ZMAT4: variants seen among roughly 807,000 people sequenced by gnomAD.
The protein encoded by ZMAT4 is zinc finger matrin-type protein 4.
Under a neutral mutation model 28.7 loss-of-function variants are expected in ZMAT4, and 17 were observed. The observed-to-expected ratio is 0.59, with a 90% CI of 0.41 to 0.89. The LOEUF (loss-of-function observed/expected upper bound fraction) is 0.89. Among genes scored for constraint, ZMAT4 ranks in the 40% least tolerant of loss-of-function variants. The pLI, the probability that ZMAT4 is intolerant of heterozygous loss-of-function variation, is 0.00. For synonymous variants in ZMAT4, 117 were observed against 109.2 expected, an observed-to-expected ratio of 1.07 and a Z score of -0.44; for missense variants, 240 against 283.8, an observed-to-expected ratio of 0.85 and a Z score of 1.11.
intron 1 of ZMAT4, among the ~76,000 whole-genome samples, chr8:40,846,391 G>A (rs1171030026): frequency 6.6e-6 from 1 of 152,222 alleles, no homozygotes; most frequent in Non-Finnish European, 1.5e-5. Context: ...GCTCAGGGCT[G>A]GGACAGCAGA....
intron 5 of ZMAT4, among the ~76,000 whole-genome samples, chr8:40,616,923 A>G (rs1165429470): frequency 1.3e-5 from 2 of 152,108 alleles, no homozygotes; most frequent in Admixed American, 6.6e-5. Context: ...GAACTACAGT[A>G]ATTTTACAAA....
intron 2 of ZMAT4, among the ~76,000 whole-genome samples, chr8:40,791,414 T>C (rs1814318219): frequency 6.6e-6 from 1 of 152,172 alleles, no homozygotes; most frequent in South Asian, 2.1e-4. Flanking sequence ...GAAACTACAC[T>C]GAGAGAGTAA....
intron 1 of ZMAT4, among the ~76,000 whole-genome samples, chr8:40,884,295 G>A (rs891532134): frequency 3.4e-5 from 5 of 145,790 alleles, no homozygotes; most frequent in Admixed American, 1.4e-4. Flanking sequence ...TCTCACCTCC[G>A]CCCCCACCCA....
At chr8:40,835,181 A>G (rs1302688892) in intron 1 of ZMAT4, among the ~76,000 whole-genome samples, 1 of 152,176 alleles carries the variant, frequency 6.6e-6, no homozygotes, top group Non-Finnish European at 1.5e-5. Context: ...TGCCACTTCA[A>G]GTCAGACCAA....
intron 6 of ZMAT4, among the ~76,000 whole-genome samples, chr8:40,536,989 C>T (rs1383158375): frequency 6.6e-6 from 1 of 152,006 alleles, no homozygotes; most frequent in Non-Finnish European, 1.5e-5. Flanking sequence ...GCTTTGTTCT[C>T]TGCATGTTGA....
chr8:40,534,948 G>A (rs910582697), intron 6 of ZMAT4, among the ~76,000 whole-genome samples: 14 of 152,038 alleles, frequency 9.2e-5, no homozygotes, highest in Non-Finnish European at 1.3e-4. Context: ...CTCCCAAAGC[G>A]CTGGGATTAC....
chr8:40,657,109 C>T (rs1046383800), intron 5 of ZMAT4, among the ~76,000 whole-genome samples: 2 of 152,178 alleles, frequency 1.3e-5, no homozygotes, highest in Non-Finnish European at 2.9e-5. Flanking sequence ...CGGCTCACTG[C>T]AACTTCTACC....
At chr8:40,580,625 T>C (rs1483709939) in intron 6 of ZMAT4, among the ~76,000 whole-genome samples, 1 of 152,204 alleles carries the variant, frequency 6.6e-6, no homozygotes, top group African/African-American at 2.4e-5. Context: ...CTGGTGAGAC[T>C]TTCTCAGTTT....
At chr8:40,598,184 T>TAC (rs1805166112) in intron 5 of ZMAT4, among the ~76,000 whole-genome samples, 1 of 152,186 alleles carries the variant, frequency 6.6e-6, no homozygotes, top group Non-Finnish European at 1.5e-5. Context: ...ACAATGTGTA[T>TAC]ATATATATTT....
chr8:40,644,199 T>G (rs1188158166), intron 5 of ZMAT4, among the ~76,000 whole-genome samples: 1 of 152,058 alleles, frequency 6.6e-6, no homozygotes, highest in Admixed American at 6.6e-5. Context: ...AGAATTTGAT[T>G]AGATGGAATA....
intron 2 of ZMAT4, among the ~76,000 whole-genome samples, chr8:40,774,235 G>A (rs1356148456): frequency 6.6e-6 from 1 of 152,012 alleles, no homozygotes; most frequent in South Asian, 2.1e-4. Context: ...ATAGAAATAG[G>A]AATTGTAGAA....
intron 3 of ZMAT4, among the ~76,000 whole-genome samples, chr8:40,725,283 A>T (rs1811272560): frequency 6.6e-6 from 1 of 152,166 alleles, no homozygotes; most frequent in Non-Finnish European, 1.5e-5. Flanking sequence ...AGTTAGAGGG[A>T]TTCAGGTCTC....
chr8:40,724,484 C>T (rs1044537378), intron 3 of ZMAT4, among the ~76,000 whole-genome samples: 1 of 152,206 alleles, frequency 6.6e-6, no homozygotes, highest in East Asian at 1.9e-4. Flanking sequence ...AAGATGACAT[C>T]TAGCTTTTCA....
intron 5 of ZMAT4, among the ~76,000 whole-genome samples, chr8:40,643,255 C>T (rs1017526866): frequency 2.0e-5 from 3 of 152,198 alleles, no homozygotes; most frequent in South Asian, 4.2e-4. Flanking sequence ...CAAAGAAAGC[C>T]GGGAACTATG....
chr8:40,768,804 T>A (rs1284833490), intron 2 of ZMAT4, among the ~76,000 whole-genome samples: 2 of 152,202 alleles, frequency 1.3e-5, no homozygotes, highest in Non-Finnish European at 2.9e-5. Context: ...GTTCCCTAAT[T>A]CCAATCCCCC....
intron 5 of ZMAT4, chr8:40,674,418 A>G: frequency 2.9e-6 from 1 of 348,212 alleles, no homozygotes; most frequent in South Asian, 4.6e-5. Flanking sequence ...TAAAGAAGGC[A>G]GTTAAAGATA....
chr8:40,618,656 C>T (rs1438745573), intron 5 of ZMAT4, among the ~76,000 whole-genome samples: 2 of 113,704 alleles, frequency 1.8e-5, no homozygotes, highest in Admixed American at 8.5e-5. Context: ...TTTTCTACCA[C>T]TAGAAAAAAA....
rs576252691 is a variant in ZMAT4 at position 40,640,337 on chromosome 8, G to A, written c.577+34367C>T. ...AGAGGATGTGAAGGCTAGAATGGTA[G>A]CTCAGCAGAATCCAATAGGTCCATT... On this transcript the variant is annotated intron_variant, in intron 5 of 6. Coordinates refer to ENST00000297737, the MANE Select transcript of ZMAT4 (RefSeq NM_024645.3). 9.2e-5 allele frequency among the ~76,000 whole-genome samples: 14 copies of A among 152,256 alleles called. No homozygotes were observed. In the East Asian group the frequency reaches 1.7e-3, roughly 19 times the overall value.
At chr8:40,847,328 T>G (rs952570025) in intron 1 of ZMAT4, among the ~76,000 whole-genome samples, 3 of 152,004 alleles carry the variant, frequency 2.0e-5, no homozygotes, top group African/African-American at 7.3e-5. Flanking sequence ...TTGATTACAC[T>G]AAGATGTTAA....
Sources: allele counts gnomAD v4.1 joint callset (sites outside exome capture counted in the v4.1 genomes callset), GRCh38; gene constraint gnomAD v4.1.1; transcripts MANE v1.5; gene names NCBI Gene and HGNC (gene_info 2026-07-23, HGNC 2026-07-21).